The following CSMD1 variants were observed in gnomAD, a reference collection of about 807,000 sequenced individuals.
CSMD1 encodes CUB and sushi domain-containing protein 1.
In CSMD1, 213 loss-of-function variants were observed where a neutral mutation model predicts 417.5. That is an observed-to-expected ratio of 0.51 (90% CI 0.46 to 0.57). The LOEUF (loss-of-function observed/expected upper bound fraction) is 0.57, where lower values mean the gene tolerates loss of function less well. Among genes scored for constraint, CSMD1 ranks in the 20% least tolerant of loss-of-function variants. CSMD1 has a pLI of 0.00. For missense variants in CSMD1, 6,923 were observed against 4,529.7 expected (o/e 1.53, Z -15.17); for synonymous variants, 2,862 against 1,736.8 (o/e 1.65, Z -16.11).
chr8:4,151,345 T>C (rs1228621507), intron 3 of CSMD1, among the ~76,000 whole-genome samples: 4 of 152,176 alleles, frequency 2.6e-5, no homozygotes, highest in Non-Finnish European at 4.4e-5. Context: ...AATCACTTAT[T>C]TACAGTGAGA....
intron 5 of CSMD1, among the ~76,000 whole-genome samples, chr8:3,966,732 GACACAC>G (rs34929035): frequency 6.7e-6 from 1 of 149,022 alleles, no homozygotes; most frequent in Admixed American, 6.6e-5. Context: ...CACACACACA[GACACAC>G]ACACACACAC....
At chr8:4,335,204 TG>T (rs916366761) in intron 3 of CSMD1, among the ~76,000 whole-genome samples, 2 of 152,086 alleles carry the variant, frequency 1.3e-5, no homozygotes, top group African/African-American at 2.4e-5. Context: ...ATGGCTGGCC[TG>T]GGCTCTCTTT....
intron 37 of CSMD1, among the ~76,000 whole-genome samples, chr8:3,180,541 A>G (rs1821258135): frequency 6.6e-6 from 1 of 152,200 alleles, no homozygotes; most frequent in Non-Finnish European, 1.5e-5. Flanking sequence ...TTTTAATACA[A>G]ACAACCTGAA....
intron 11 of CSMD1, among the ~76,000 whole-genome samples, chr8:3,481,178 A>C (rs1404765157): frequency 6.9e-6 from 1 of 145,672 alleles, no homozygotes; most frequent in Non-Finnish European, 1.5e-5. Flanking sequence ...AAAAAAAAAA[A>C]ACCAGAGTAG....
At chr8:4,148,923 T>C (rs770577239) in intron 3 of CSMD1, among the ~76,000 whole-genome samples, 7 of 152,140 alleles carry the variant, frequency 4.6e-5, no homozygotes, top group Non-Finnish European at 7.3e-5. Context: ...TCTGCACTTT[T>C]CAGACTACCT....
At chr8:3,661,989 A>G (rs911464721) in intron 7 of CSMD1, among the ~76,000 whole-genome samples, 2 of 152,144 alleles carry the variant, frequency 1.3e-5, no homozygotes, top group Non-Finnish European at 2.9e-5. Context: ...GGGAGAGAGG[A>G]GCTACGCAGA....
intron 26 of CSMD1, among the ~76,000 whole-genome samples, chr8:3,272,756 G>A (rs1363906947): frequency 5.4e-5 from 8 of 148,786 alleles, no homozygotes; most frequent in Admixed American, 4.8e-4. Context: ...GTATAAGAAT[G>A]CTTGTGATTT....
intron 3 of CSMD1, among the ~76,000 whole-genome samples, chr8:4,157,431 C>G (rs1249537852): frequency 1.3e-5 from 2 of 152,146 alleles, no homozygotes; most frequent in South Asian, 2.1e-4. Flanking sequence ...TTTTCTTTCT[C>G]TATTTTCCCC....
chr8:3,049,843 G>A (rs1431479478), intron 50 of CSMD1, among the ~76,000 whole-genome samples: 2 of 152,136 alleles, frequency 1.3e-5, no homozygotes, highest in Admixed American at 1.3e-4. Context: ...TGTTGATAGT[G>A]GGGAGGTATG....
intron 4 of CSMD1, among the ~76,000 whole-genome samples, chr8:4,005,090 G>C (rs1816002266): frequency 6.6e-6 from 1 of 152,110 alleles, no homozygotes; most frequent in Non-Finnish European, 1.5e-5. Context: ...CAAGCTATGA[G>C]GATGCAAAGG....
At chr8:4,923,606 A>G (rs1428996730) in intron 1 of CSMD1, among the ~76,000 whole-genome samples, 1 of 152,196 alleles carries the variant, frequency 6.6e-6, no homozygotes, top group East Asian at 1.9e-4. Flanking sequence ...CATTGAGTTT[A>G]AACATACACA....
At chr8:3,796,513 CTA>C (rs749720575) in intron 5 of CSMD1, among the ~76,000 whole-genome samples, 123 of 139,462 alleles carry the variant, frequency 8.8e-4, no homozygotes, top group South Asian at 7.1e-3. Flanking sequence ...ATATATATAT[CTA>C]TATATCTATA....
Position 3,181,178 on chromosome 8 carries a change from T to C in CSMD1, c.5657A>G (p.Asn1886Ser), listed in dbSNP as rs768762089. ...TVPALLNSTS[N>S]QLYLHFQSDI... is the part of the protein sequence containing the mutation. ...AGACTGGAAATGCAGGTAGAGTTGG[T>C]TGGAAGTACTGTTCAGCAGTGCCGG... The change falls in exon 37 of 70, where the codon AAC (asparagine) becomes AGC (serine). Residue 1886 changes from asparagine (N) to serine (S), a missense_variant. Transcript: ENST00000635120. The C allele has an allele frequency of 5.0e-6, 8 of 1,613,850 alleles. No homozygotes were observed. Among genetic ancestry groups the C allele is most frequent in the South Asian group, 1.1e-5 (1 of 91,040 alleles).
chr8:4,951,172 TA>T, intron 1 of CSMD1, among the ~76,000 whole-genome samples: 1 of 152,260 alleles, frequency 6.6e-6, no homozygotes, highest in Middle Eastern at 3.4e-3. Flanking sequence ...CTCCTTGCCT[TA>T]AATCTTGGTT....
intron 10 of CSMD1, among the ~76,000 whole-genome samples, chr8:3,527,754 G>C (rs1797814505): frequency 6.6e-6 from 1 of 152,158 alleles, no homozygotes; most frequent in African/African-American, 2.4e-5. Flanking sequence ...GGACTTCTCT[G>C]TACTGTTTTA....
chr8:4,185,981 C>G (rs575477180), intron 3 of CSMD1, among the ~76,000 whole-genome samples: 1 of 152,172 alleles, frequency 6.6e-6, no homozygotes, highest in Non-Finnish European at 1.5e-5. Flanking sequence ...TCATTCTTAA[C>G]AAGTCCACCT....
chr8:4,853,166 G>A (rs1801585072), intron 1 of CSMD1, among the ~76,000 whole-genome samples: 1 of 152,158 alleles, frequency 6.6e-6, no homozygotes. Flanking sequence ...AGAGAGATTT[G>A]CATGACTAAA....
At position 3,457,598 on chromosome 8, in the gene CSMD1, T is replaced by A. The variant is rs573882405; in HGVS notation, c.1561+11114A>T. Among the ~76,000 whole-genome samples, 22 of 152,302 alleles carry A rather than the reference T, an allele frequency of 1.4e-4. 1 individual carries two copies. The highest frequency in any genetic ancestry group is 4.1e-4 in the South Asian group (2 of 4,828). On this transcript the variant is annotated intron_variant, in intron 12 of 69. Coordinates refer to ENST00000635120, the MANE Select transcript of CSMD1 (RefSeq NM_033225.6). ...AAAAACACAGGATGAATTTCAAGAA[T>A]AGAATAGTCCCATCTATAACTTTTA...
chr8:4,529,545 G>T (rs370316419), intron 2 of CSMD1, among the ~76,000 whole-genome samples: 1 of 151,936 alleles, frequency 6.6e-6, no homozygotes, highest in African/African-American at 2.4e-5. Flanking sequence ...TTATTGACAG[G>T]GTAAATATAA....
Sources: gnomAD v4.1 joint callset for allele counts (sites outside exome capture counted in the v4.1 genomes callset) on GRCh38, gnomAD v4.1.1 for gene constraint, MANE v1.5 for transcripts, NCBI Gene and HGNC (gene_info 2026-07-23, HGNC 2026-07-21) for gene names.